RALA: variants seen among roughly 807,000 people sequenced by gnomAD.
RALA encodes ras-related protein Ral-A.
RALA carries 5 observed loss-of-function variants against 24.0 expected under a neutral mutation model. The observed-to-expected ratio is 0.21, with a 90% CI of 0.11 to 0.44. The LOEUF is 0.44. RALA is among the 20% of genes least tolerant of loss of function. The pLI is 0.99. For synonymous variants in RALA, 77 were observed against 83.8 expected, an observed-to-expected ratio of 0.92 and a Z score of 0.44; for missense variants, 95 against 241.2, an observed-to-expected ratio of 0.39 and a Z score of 4.01.
At position 39,657,087 on chromosome 7, in the gene RALA, C is replaced by G. The variant is rs193164909; in HGVS notation, c.-37-29544C>G. Among the ~76,000 whole-genome samples, 8 of 152,272 alleles carry G rather than the reference C, an allele frequency of 5.3e-5. No individual in the cohort carries two copies. In the East Asian group the frequency reaches 1.5e-3, roughly 29 times the overall value. ...GGTTTAAGCGATTCTCCCGTTCAGT[C>G]TCCCGGGTAGCTGGGATTACAGGCA... On this transcript the variant is annotated intron_variant, in intron 1 of 4. Coordinates refer to ENST00000005257, the MANE Select transcript of RALA (RefSeq NM_005402.4).
chr7:39,682,462 A>G (rs1464108854), intron 1 of RALA, among the ~76,000 whole-genome samples: 2 of 152,202 alleles, frequency 1.3e-5, no homozygotes, highest in South Asian at 2.1e-4. Flanking sequence ...TTTTACCACT[A>G]TCCTTCTTAA....
chr7:39,677,604 G>GT, intron 1 of RALA, among the ~76,000 whole-genome samples: 1 of 35,878 alleles, frequency 2.8e-5, no homozygotes, highest in Middle Eastern at 5.3e-3. Flanking sequence ...GGTATTTCTA[G>GT]TTCTAGATCC....
In RALA at chr7:39,707,090, T is replaced by TAAA. The variant is rs1793132148; in HGVS notation, c.*846_*848dup. 1 of 152,656 alleles carries TAAA rather than the reference T, an allele frequency of 6.6e-6. No homozygotes were observed. Among genetic ancestry groups the TAAA allele is most frequent in the African/African-American group, 2.4e-5 (1 of 41,452 alleles). The allele number at this position is 152,656 out of a possible 1,614,324, so 9.5% of individuals were successfully genotyped here. On this transcript the variant is annotated 3_prime_UTR_variant, in exon 5 of 5. Coordinates refer to ENST00000005257, the MANE Select transcript of RALA (RefSeq NM_005402.4). ...CTTTTAATAAACTGCAAGTTCATTT[T>TAAA]AAATGAAGGGCCAGCATATATACTT...
chr7:39,632,609 T>C (rs1791617116), intron 1 of RALA, among the ~76,000 whole-genome samples: 1 of 152,118 alleles, frequency 6.6e-6, no homozygotes, highest in Non-Finnish European at 1.5e-5. Context: ...CTTGAGCTCA[T>C]GAGTTTGAGA....
At chr7:39,672,714 G>T (rs1012308779) in intron 1 of RALA, among the ~76,000 whole-genome samples, 1 of 150,122 alleles carries the variant, frequency 6.7e-6, no homozygotes, top group Admixed American at 6.7e-5. Flanking sequence ...CAAAAGCCTT[G>T]TCTAACAGAA....
chr7:39,638,616 T>A (rs921193144), intron 1 of RALA, among the ~76,000 whole-genome samples: 4 of 152,156 alleles, frequency 2.6e-5, no homozygotes, highest in Non-Finnish European at 4.4e-5. Context: ...GCTAATTTTT[T>A]AAATTTTTTT....
rs999986424 is a variant in RALA, at chr7:39,678,101, C to T, written c.-37-8530C>T. 2.0e-4 allele frequency among the ~76,000 whole-genome samples: 30 copies of T among 146,958 alleles called. No homozygotes were observed. In the East Asian group the frequency reaches 2.9e-3, roughly 14 times the overall value. ...GAGATATACCTAATGCTAGATGACG[C>T]GTTAGTGGGTGCAGCGCACCAGCAT... On this transcript the variant is annotated intron_variant, in intron 1 of 4. Coordinates refer to ENST00000005257, the MANE Select transcript of RALA (RefSeq NM_005402.4).
At chr7:39,665,529 A>C (rs1792270373) in intron 1 of RALA, among the ~76,000 whole-genome samples, 2 of 152,058 alleles carry the variant, frequency 1.3e-5, no homozygotes, top group South Asian at 4.1e-4. Context: ...TCCCTGTGTT[A>C]TCCAAGAGTC....
At chr7:39,688,060 T>C (rs1307556048) in intron 2 of RALA, among the ~76,000 whole-genome samples, 1 of 152,150 alleles carries the variant, frequency 6.6e-6, no homozygotes, top group East Asian at 1.9e-4. Flanking sequence ...CCCCCATGTC[T>C]TTTTCTGTTG....
chr7:39,629,083 T>C (rs1791547431), intron 1 of RALA, among the ~76,000 whole-genome samples: 1 of 152,244 alleles, frequency 6.6e-6, no homozygotes, highest in South Asian at 2.1e-4. Context: ...AAACTTTGTG[T>C]ACATGTATCT....
chr7:39,689,048 A>G (rs1362468807), intron 2 of RALA, among the ~76,000 whole-genome samples: 1 of 152,178 alleles, frequency 6.6e-6, no homozygotes, highest in African/African-American at 2.4e-5. Context: ...GAGAACTCAC[A>G]ATCTTGAGAA....
At chr7:39,630,455 G>A (rs934974594) in intron 1 of RALA, among the ~76,000 whole-genome samples, 2 of 152,042 alleles carry the variant, frequency 1.3e-5, no homozygotes, top group African/African-American at 4.8e-5. Flanking sequence ...ATATGTTGCA[G>A]ATATTTTTGC....
At chr7:39,664,370 C>T (rs1173451322) in intron 1 of RALA, among the ~76,000 whole-genome samples, 1 of 152,176 alleles carries the variant, frequency 6.6e-6, no homozygotes, top group African/African-American at 2.4e-5. Context: ...TGCTTTGTCC[C>T]TGAAGTCAGA....
intron 1 of RALA, among the ~76,000 whole-genome samples, chr7:39,652,908 G>A (rs1792041764): frequency 6.6e-6 from 1 of 151,960 alleles, no homozygotes; most frequent in Non-Finnish European, 1.5e-5. Flanking sequence ...TGGGATTACA[G>A]GCATGCACCA....
chr7:39,679,802 C>G (rs1792555685), intron 1 of RALA, among the ~76,000 whole-genome samples: 1 of 151,948 alleles, frequency 6.6e-6, no homozygotes, highest in African/African-American at 2.4e-5. Context: ...CCTCTGCCTC[C>G]CGGTTTCAAG....
chr7:39,636,635 G>A lies in RALA; in HGVS notation c.-38+12810G>A, dbSNP rs542852533. On this transcript the variant is annotated intron_variant, in intron 1 of 4. Coordinates refer to ENST00000005257, the MANE Select transcript of RALA (RefSeq NM_005402.4). Reference sequence around the variant, plus strand: ...TTCATCAACAAAATTTCTGTTTTACGTTTGTGTGTTTGATGTTATACTAGT... The same window carrying A: ...TTCATCAACAAAATTTCTGTTTTACATTTGTGTGTTTGATGTTATACTAGT... Among the ~76,000 whole-genome samples, 9 of 152,166 alleles carry A rather than the reference G, an allele frequency of 5.9e-5. No homozygotes were observed. In the South Asian group the frequency reaches 1.5e-3, roughly 25 times the overall value.
At chr7:39,659,545 TCA>T (rs1374312600) in intron 1 of RALA, among the ~76,000 whole-genome samples, 1 of 152,180 alleles carries the variant, frequency 6.6e-6, no homozygotes, top group Non-Finnish European at 1.5e-5. Flanking sequence ...TAATTATGAC[TCA>T]CAATGCAGCT....
chr7:39,639,665 G>A (rs1791746588), intron 1 of RALA, among the ~76,000 whole-genome samples: 2 of 152,110 alleles, frequency 1.3e-5, no homozygotes, highest in African/African-American at 4.8e-5. Flanking sequence ...TATGATCATA[G>A]ACTTTACAGA....
intron 3 of RALA, among the ~76,000 whole-genome samples, chr7:39,694,640 G>A (rs1431188666): frequency 6.6e-6 from 1 of 152,202 alleles, no homozygotes; most frequent in Non-Finnish European, 1.5e-5. Flanking sequence ...TACAATGTTA[G>A]TGGTAGTAGT....
Sources: gnomAD v4.1 joint callset for allele counts (sites outside exome capture counted in the v4.1 genomes callset) on GRCh38, gnomAD v4.1.1 for gene constraint, MANE v1.5 for transcripts, NCBI Gene and HGNC (gene_info 2026-07-23, HGNC 2026-07-21) for gene names.